Variants in SHANK2 observed in about 807,000 individuals in gnomAD.
The protein encoded by SHANK2 is SH3 and multiple ankyrin repeat domains protein 2.
In SHANK2, 43 loss-of-function variants were observed where a neutral mutation model predicts 133.7. The ratio of observed to expected loss-of-function variants is 0.32; its 90% confidence interval spans 0.25 to 0.41. The LOEUF is 0.41. SHANK2 is among the 10% of genes least tolerant of loss of function. The pLI, the probability that SHANK2 is intolerant of heterozygous loss-of-function variation, is 1.00. For synonymous variants in SHANK2, 1,017 were observed against 952.8 expected, an observed-to-expected ratio of 1.07 and a Z score of -1.24; for missense variants, 1,994 against 2,235.8, an observed-to-expected ratio of 0.89 and a Z score of 2.18.
intron 15 of SHANK2, among the ~76,000 whole-genome samples, chr11:70,682,564 C>G (rs561125013): frequency 6.6e-6 from 1 of 152,218 alleles, no homozygotes; most frequent in African/African-American, 2.4e-5. Flanking sequence ...ATGATATTGA[C>G]TTTCTATATT....
At chr11:70,724,638 G>T (rs1555030136) in intron 14 of SHANK2, among the ~76,000 whole-genome samples, 1 of 152,200 alleles carries the variant, frequency 6.6e-6, no homozygotes, top group Non-Finnish European at 1.5e-5. Context: ...TCCCGAGCTG[G>T]GAGGCTTAGA....
chr11:70,786,172 G>A (rs1555046420), intron 14 of SHANK2, among the ~76,000 whole-genome samples: 1 of 152,212 alleles, frequency 6.6e-6, no homozygotes, highest in African/African-American at 2.4e-5. Flanking sequence ...CAATAAAGTG[G>A]AATTATGACC....
chr11:70,808,561 C>CAAAA (rs57089863), intron 12 of SHANK2, among the ~76,000 whole-genome samples: 138 of 86,766 alleles, frequency 1.6e-3, no homozygotes, highest in Middle Eastern at 7.2e-3. Context: ...CCTATTTCTA[C>CAAAA]AAAAAAAAAA....
intron 15 of SHANK2, among the ~76,000 whole-genome samples, chr11:70,680,702 C>T (rs1945011008): frequency 6.6e-6 from 1 of 152,164 alleles, no homozygotes; most frequent in Non-Finnish European, 1.5e-5. Context: ...TCTCTGGGCT[C>T]CACAGTTCAC....
rs1435287603 is a variant in SHANK2 at position 71,070,862 on chromosome 11, C to T, written c.1029+4297G>A. Among the ~76,000 whole-genome samples the T allele has an allele frequency of 3.9e-5, 6 of 152,248 alleles. No homozygotes were observed. The East Asian group carries it at 7.7e-4, about 20-fold the overall frequency. ...ATGGCTCATGTGCTAACCTGAGGCC[C>T]GAGGTGGGGAGAGGATGTCCTGAGA... On this transcript the variant is annotated intron_variant, in intron 9 of 25. Transcript: ENST00000601538.
At chr11:71,134,923 T>C (rs1303626474) in intron 3 of SHANK2, among the ~76,000 whole-genome samples, 2 of 152,054 alleles carry the variant, frequency 1.3e-5, no homozygotes, top group Non-Finnish European at 2.9e-5. Context: ...AGATTACCCT[T>C]TTCAAATATA....
intron 17 of SHANK2, among the ~76,000 whole-genome samples, chr11:70,522,440 C>G (rs2059342044): frequency 6.6e-6 from 1 of 152,248 alleles, no homozygotes; most frequent in African/African-American, 2.4e-5. Flanking sequence ...CGGGCGCCCT[C>G]CCAGGGCAGC....
rs1418277856 is a variant in SHANK2, at chr11:70,500,783, T to C, written c.2288-193A>G. The C allele has an allele frequency of 1.3e-6, 1 of 761,636 alleles. No individual in the cohort carries two copies. Among genetic ancestry groups the C allele is most frequent in the African/African-American group, 1.7e-5 (1 of 58,034 alleles). The allele number at this position is 761,636 out of a possible 1,614,324, so 47.2% of individuals were successfully genotyped here. On this transcript the variant is annotated intron_variant, in intron 20 of 25. Coordinates refer to ENST00000601538, the MANE Select transcript of SHANK2 (RefSeq NM_012309.5). This position sits in a 1 kb window ranked among gnomAD's most constrained non-coding sequence, Gnocchi z 4.5. ...GGAGTGGCTTTCCCCAAACCTTGGC[T>C]GCCCGCACAACTCTGTCCTGTCTGC...
chr11:70,779,940 G>T (rs1947446239), intron 14 of SHANK2, among the ~76,000 whole-genome samples: 1 of 83,724 alleles, frequency 1.2e-5, no homozygotes, highest in Non-Finnish European at 2.9e-5. Flanking sequence ...CATCATTCAG[G>T]TCGGTCCCAT....
chr11:71,217,822 G>C (rs1378642601), intron 2 of SHANK2, among the ~76,000 whole-genome samples: 1 of 152,222 alleles, frequency 6.6e-6, no homozygotes, highest in East Asian at 1.9e-4. Flanking sequence ...TGTGTTTTAA[G>C]CTAAGTATTA....
At chr11:71,245,065 C>T (rs1032126007) in intron 1 of SHANK2, among the ~76,000 whole-genome samples, 1 of 152,052 alleles carries the variant, frequency 6.6e-6, no homozygotes, top group African/African-American at 2.4e-5. Flanking sequence ...ACTGCAACAT[C>T]GACCTCTCAG....
intron 12 of SHANK2, among the ~76,000 whole-genome samples, 178 bp downstream of exon 12, chr11:70,820,186 C>T (rs782580250): frequency 1.5e-4 from 23 of 152,232 alleles, no homozygotes; most frequent in Non-Finnish European, 3.2e-4. Flanking sequence ...CCCCAGCCCC[C>T]CAAGGGGAGA....
At chr11:71,074,459 T>G (rs1228208658) in intron 9 of SHANK2, among the ~76,000 whole-genome samples, 1 of 152,094 alleles carries the variant, frequency 6.6e-6, no homozygotes, top group Non-Finnish European at 1.5e-5. Flanking sequence ...ACGTTGCCTA[T>G]TGGTTGTTGG....
At chr11:70,504,135 C>T (rs1227166534) in intron 17 of SHANK2, among the ~76,000 whole-genome samples, 2 of 152,254 alleles carry the variant, frequency 1.3e-5, no homozygotes, top group Admixed American at 1.3e-4. Flanking sequence ...TGATCGTAAA[C>T]AACAGCCAAG....
intron 14 of SHANK2, among the ~76,000 whole-genome samples, chr11:70,793,424 G>C (rs544599863): frequency 6.6e-6 from 1 of 152,244 alleles, no homozygotes; most frequent in African/African-American, 2.4e-5. Flanking sequence ...CAAGTCACAG[G>C]CTGGGAAAAA....
intron 11 of SHANK2, among the ~76,000 whole-genome samples, chr11:70,885,622 A>G (rs1057308728): frequency 5.3e-5 from 8 of 152,184 alleles, no homozygotes; most frequent in African/African-American, 1.9e-4. Flanking sequence ...ACGAACATCA[A>G]CAAAGACAAG....
intron 17 of SHANK2, among the ~76,000 whole-genome samples, chr11:70,583,612 G>T (rs925704365): frequency 6.6e-6 from 1 of 152,180 alleles, no homozygotes; most frequent in Non-Finnish European, 1.5e-5. Flanking sequence ...CATGCACTCC[G>T]GGTCATCGAA....
intron 1 of SHANK2, among the ~76,000 whole-genome samples, chr11:71,240,327 C>T (rs1954873007): frequency 1.3e-5 from 2 of 152,200 alleles, no homozygotes. Flanking sequence ...GGGTCCTGCC[C>T]ACACTCGGGT....
intron 3 of SHANK2, among the ~76,000 whole-genome samples, chr11:71,138,256 C>T (rs1555105152): frequency 1.3e-5 from 2 of 152,080 alleles, no homozygotes; most frequent in South Asian, 4.2e-4. Context: ...CTCACAATGG[C>T]CGGGCGCCTC....
Sources: gnomAD v4.1 joint callset for allele counts (sites outside exome capture counted in the v4.1 genomes callset) on GRCh38, gnomAD v4.1.1 for gene constraint, Gnocchi (gnomAD v3.1) non-coding constraint, MANE v1.5 for transcripts, NCBI Gene and HGNC (gene_info 2026-07-23, HGNC 2026-07-21) for gene names.